The following GRB14 variants were observed in gnomAD, a reference collection of about 807,000 sequenced individuals.
GRB14 encodes growth factor receptor-bound protein 14.
Under a neutral mutation model 69.1 loss-of-function variants are expected in GRB14, and 38 were observed. That is an observed-to-expected ratio of 0.55 (90% CI 0.42 to 0.72). The LOEUF (loss-of-function observed/expected upper bound fraction) is 0.72. Ranked by LOEUF, GRB14 falls within the 30% of genes least tolerant of loss-of-function variation. The pLI, the probability that GRB14 is intolerant of heterozygous loss-of-function variation, is 0.00. For synonymous variants in GRB14, 247 were observed against 241.3 expected, an observed-to-expected ratio of 1.02 and a Z score of -0.22; for missense variants, 666 against 666.1, an observed-to-expected ratio of 1.00 and a Z score of 0.00.
intron 3 of GRB14, among the ~76,000 whole-genome samples, chr2:164,533,819 G>A (rs990697539): frequency 6.6e-5 from 10 of 152,244 alleles, no homozygotes; most frequent in Non-Finnish European, 8.8e-5. Flanking sequence ...AAGAACTAGC[G>A]TAATGTGTAT....
intron 6 of GRB14, among the ~76,000 whole-genome samples, chr2:164,517,357 G>T (rs541997986): frequency 6.6e-6 from 1 of 152,194 alleles, no homozygotes; most frequent in African/African-American, 2.4e-5. Flanking sequence ...ATGAGATTTG[G>T]TTGGGGACAC....
intron 7 of GRB14, 69 bp from the exon 8 acceptor site, chr2:164,508,619 C>T: frequency 1.3e-6 from 2 of 1,493,076 alleles, no homozygotes; most frequent in South Asian, 2.3e-5. Flanking sequence ...GAAATAAAAG[C>T]CACTAAAATT....
intron 12 of GRB14, among the ~76,000 whole-genome samples, chr2:164,495,265 C>G (rs1312789339): frequency 6.6e-6 from 1 of 152,026 alleles, no homozygotes; most frequent in African/African-American, 2.4e-5. Flanking sequence ...TATTATAACC[C>G]CCTCTTCTAT....
rs73971054 is a variant in GRB14 at position 164,591,245 on chromosome 2, T to C, written c.324+28442A>G. ...AAGATTAGACTAGCTTTTGTTTCTA[T>C]TGTCATCATACCACAGAAGTACCTT... On this transcript the variant is annotated intron_variant, in intron 2 of 13. Coordinates refer to ENST00000263915, the MANE Select transcript of GRB14 (RefSeq NM_004490.3). 2.8e-3 allele frequency among the ~76,000 whole-genome samples: 431 copies of C among 152,294 alleles called. 3 individuals carry two copies. The highest frequency in any genetic ancestry group is 9.7e-3 in the African/African-American group (405 of 41,564).
At chr2:164,525,498 A>G (rs77319642) in intron 4 of GRB14, among the ~76,000 whole-genome samples, 84 of 152,194 alleles carry the variant, frequency 5.5e-4, no homozygotes, top group African/African-American at 2.0e-3. Context: ...AGCACAGTGG[A>G]GGTCAGGACT....
chr2:164,563,567 T>G (rs552488898), intron 2 of GRB14, among the ~76,000 whole-genome samples: 1 of 152,216 alleles, frequency 6.6e-6, no homozygotes, highest in Non-Finnish European at 1.5e-5. Context: ...ACAGGATGAC[T>G]GGAAATTTAC....
intron 2 of GRB14, among the ~76,000 whole-genome samples, chr2:164,551,554 C>T (rs1688538401): frequency 2.0e-5 from 3 of 152,098 alleles, no homozygotes; most frequent in African/African-American, 7.2e-5. Flanking sequence ...TGGAATAGAT[C>T]ACTATGTGAC....
At chr2:164,553,065 C>T (rs922702760) in intron 2 of GRB14, among the ~76,000 whole-genome samples, 2 of 152,126 alleles carry the variant, frequency 1.3e-5, no homozygotes, top group Admixed American at 1.3e-4. Context: ...CTGACTACCC[C>T]CATATGTTTT....
intron 5 of GRB14, among the ~76,000 whole-genome samples, 156 bp downstream of exon 5, chr2:164,524,848 C>T (rs569886527): frequency 6.6e-6 from 1 of 151,714 alleles, no homozygotes; most frequent in Non-Finnish European, 1.5e-5. Flanking sequence ...ACATTCTTTG[C>T]CTGGGTGCAT....
chr2:164,537,737 C>G (rs750296444), intron 3 of GRB14, among the ~76,000 whole-genome samples: 1 of 152,174 alleles, frequency 6.6e-6, no homozygotes, highest in East Asian at 1.9e-4. Context: ...GTTGTGGGCA[C>G]TTACTATCTT....
At chr2:164,580,578 C>T (rs2105337577) in intron 2 of GRB14, among the ~76,000 whole-genome samples, 1 of 152,010 alleles carries the variant, frequency 6.6e-6, no homozygotes, top group East Asian at 2.0e-4. Flanking sequence ...GTGGTGTGCA[C>T]CTGCAATCCC....
intron 6 of GRB14, 65 bp downstream of exon 6, chr2:164,521,915 G>T: frequency 7.3e-7 from 1 of 1,366,348 alleles, no homozygotes; most frequent in Non-Finnish European, 1.0e-6. Flanking sequence ...ATACAACAAA[G>T]TCAACGTGTT....
chr2:164,497,510 T>C lies in GRB14; in HGVS notation c.1105-20A>G, dbSNP rs149407801. 3.6e-6 allele frequency: 5 copies of C among 1,405,566 alleles called. No individual in the cohort carries two copies. Among genetic ancestry groups the C allele is most frequent in the South Asian group, 2.5e-5 (2 of 81,370 alleles). 87.1% of individuals were successfully genotyped at this position (1,405,566 alleles called of 1,614,324 possible). A position where few individuals can be genotyped will look rare whatever the true frequency, so the allele number is the denominator to read the frequency against. The stretch of plus-strand genomic sequence containing the variant: ...ACTTCTCTGGAAAAAAGAAACACAT[T>C]TGAGTTATGAAAATTTCTTTGAAAG... On this transcript the variant is annotated intron_variant, in intron 9 of 13. Transcript: ENST00000263915.
chr2:164,516,579 G>T (rs1195352481), intron 6 of GRB14, among the ~76,000 whole-genome samples: 1 of 151,800 alleles, frequency 6.6e-6, no homozygotes, highest in Non-Finnish European at 1.5e-5. Flanking sequence ...CCTATCTTTA[G>T]TCTCCTTAAA....
chr2:164,526,218 A>G (rs1269686187), intron 4 of GRB14, among the ~76,000 whole-genome samples: 1 of 152,078 alleles, frequency 6.6e-6, no homozygotes, highest in African/African-American at 2.4e-5. Context: ...AAAATATTCT[A>G]TTATGGTGTG....
chr2:164,559,015 T>C (rs1688753447), intron 2 of GRB14, among the ~76,000 whole-genome samples: 1 of 152,200 alleles, frequency 6.6e-6, no homozygotes, highest in Non-Finnish European at 1.5e-5. Flanking sequence ...TGGATGTAAC[T>C]TACCCTTAAT....
At chr2:164,620,493 GA>G (rs2105367417) in intron 1 of GRB14, among the ~76,000 whole-genome samples, 1 of 144,920 alleles carries the variant, frequency 6.9e-6, no homozygotes, top group South Asian at 2.2e-4. Context: ...TAACTTCACT[GA>G]AGTTGGAGCG....
chr2:164,582,432 T>A (rs1416665262), intron 2 of GRB14, among the ~76,000 whole-genome samples: 2 of 147,250 alleles, frequency 1.4e-5, no homozygotes, highest in African/African-American at 5.0e-5. Flanking sequence ...TTATTTTTTT[T>A]TTTTTTTGAG....
intron 2 of GRB14, among the ~76,000 whole-genome samples, chr2:164,593,061 A>C (rs1249982017): frequency 6.6e-6 from 1 of 152,230 alleles, no homozygotes; most frequent in African/African-American, 2.4e-5. Context: ...CTTTCCTGTA[A>C]AGGCACCAAG....
Sources: gnomAD v4.1 joint callset for allele counts (sites outside exome capture counted in the v4.1 genomes callset) on GRCh38, gnomAD v4.1.1 for gene constraint, MANE v1.5 for transcripts, NCBI Gene and HGNC (gene_info 2026-07-23, HGNC 2026-07-21) for gene names.